The following REELD1 variants were observed in gnomAD, a reference collection of about 807,000 sequenced individuals.
REELD1 encodes the protein reeler domain containing 1, also known as reelin domain-containing protein 1.
In REELD1, 12 loss-of-function variants were observed where a neutral mutation model predicts 6.3. The ratio of observed to expected loss-of-function variants is 1.89; its 90% confidence interval spans 1.21 to 3.07. The LOEUF (loss-of-function observed/expected upper bound fraction) is 3.07. REELD1 is among the 30% of genes most tolerant of loss of function. The probability of loss-of-function intolerance (pLI) is 0.00; values close to 1 mark genes in which losing one functional copy is unlikely to be tolerated. For synonymous variants in REELD1, 57 were observed against 33.6 expected (o/e 1.70, Z -2.42); for missense variants, 163 against 86.8 (o/e 1.88, Z -3.49).
In REELD1 at chr4:146,232,106, C is replaced by G. The variant is rs1167018972; in HGVS notation, c.*1593C>G. Reference sequence around the variant, plus strand: ...CATTAGTGGAGAGCTTTCATCTGGCCACATCACATCAGAGCCAGATGCACC... The same window carrying G: ...CATTAGTGGAGAGCTTTCATCTGGCGACATCACATCAGAGCCAGATGCACC... On this transcript the variant is annotated 3_prime_UTR_variant, in exon 8 of 8. Coordinates refer to ENST00000623665, the MANE Select transcript of REELD1 (RefSeq NM_001354631.1). The G allele has an allele frequency of 6.6e-6, 1 of 152,174 alleles. No homozygotes were observed. The highest frequency in any genetic ancestry group is 1.5e-5 in the Non-Finnish European group (1 of 68,038). The allele number at this position is 152,174 out of a possible 1,614,324, so 9.4% of individuals were successfully genotyped here. A position where few individuals can be genotyped will look rare whatever the true frequency, so the allele number is the denominator to read the frequency against.
rs1008678878 is a variant in REELD1 at position 146,231,576 on chromosome 4, T to C, written c.*1063T>C. Among the ~76,000 whole-genome samples, 6 of 152,196 alleles carry C rather than the reference T, an allele frequency of 3.9e-5. No homozygotes were observed. Among genetic ancestry groups the C allele is most frequent in the African/African-American group, 1.4e-4 (6 of 41,444 alleles). On this transcript the variant is annotated 3_prime_UTR_variant, in exon 8 of 8. Coordinates refer to ENST00000623665, the MANE Select transcript of REELD1 (RefSeq NM_001354631.1). The stretch of plus-strand genomic sequence containing the variant: ...GCTGCCTTTTCAGAGTGAAACCTAT[T>C]ATAGAGTCATCATTTTAATGCAGAA...
Position 146,226,351 on chromosome 4 carries a change from C to T in REELD1, c.595+1743C>T, listed in dbSNP as rs949129133. Among the ~76,000 whole-genome samples the T allele has an allele frequency of 6.6e-5, 10 of 152,144 alleles. No homozygotes were observed. In the South Asian group the frequency reaches 2.1e-3, roughly 32 times the overall value. ...AAATATCTCCTTTGTGAAACTTTTC[C>T]TTATACTTCTTGGTAGGCAAGTATC... On this transcript the variant is annotated intron_variant, in intron 5 of 7. Transcript: ENST00000623665.
chr4:146,219,583 A>T (rs1477180809), intron 3 of REELD1, among the ~76,000 whole-genome samples: 2 of 152,218 alleles, frequency 1.3e-5, no homozygotes, highest in Non-Finnish European at 2.9e-5. Context: ...TAAAGGTCTG[A>T]CCCTGATTTT....
At chr4:146,216,657 T>G (rs931869016) in intron 2 of REELD1, among the ~76,000 whole-genome samples, 1 of 152,214 alleles carries the variant, frequency 6.6e-6, no homozygotes, top group Non-Finnish European at 1.5e-5. Context: ...TTTGACTCAA[T>G]AATTAAAGCC....
chr4:146,222,450 C>A lies in REELD1; in HGVS notation c.302C>A (p.Pro101His). The A allele has an allele frequency of 2.5e-6, 1 of 398,618 alleles. No homozygotes were observed. Among genetic ancestry groups the A allele is most frequent in the Non-Finnish European group, 4.4e-6 (1 of 226,070 alleles). The allele number at this position is 398,618 out of a possible 1,614,324, so 24.7% of individuals were successfully genotyped here. The change falls in exon 4 of 8, where the codon CCT (proline) becomes CAT (histidine). Residue 101 changes from proline to histidine, a missense_variant. Transcript: ENST00000623665. ...HQIAGTFVLIPPHSKLMTCFQ... is the reference protein window; with the variant it reads ...HQIAGTFVLIHPHSKLMTCFQ... ...ATCGCTGGCACTTTCGTTCTCATTC[C>A]TCCTCATTCCAAACTGATGACTTGT...
rs1382991392 is a variant in REELD1 at position 146,229,131 on chromosome 4, G to T, written c.972+43G>T. On this transcript the variant is annotated intron_variant, in intron 7 of 7. Transcript: ENST00000623665. ...GAAGTGGGCTTGTGACTGGTATTTT[G>T]ATCCTAGAATGGTCAGTTTCAGGCT... 5.7e-6 allele frequency: 4 copies of T among 700,014 alleles called. No individual in the cohort carries two copies. The East Asian group carries it at 8.1e-5, about 14-fold the overall frequency. The allele number at this position is 700,014 out of a possible 1,614,324, so 43.4% of individuals were successfully genotyped here.
rs967074290 is a variant in REELD1 at position 146,231,197 on chromosome 4, A to G, written c.*684A>G. ...CATGCAACACAAGGCCGTAAACACC[A>G]GAGTGGGGTAAGAAAGCCTTTTCAT... On this transcript the variant is annotated 3_prime_UTR_variant, in exon 8 of 8. Transcript: ENST00000623665. 1.3e-5 allele frequency among the ~76,000 whole-genome samples: 2 copies of G among 152,234 alleles called. No individual in the cohort carries two copies. The highest frequency in any genetic ancestry group is 2.9e-5 in the Non-Finnish European group (2 of 68,042).
rs970512981 is a variant in REELD1, at chr4:146,226,993, G to A, written c.596-1217G>A. 2.7e-4 allele frequency among the ~76,000 whole-genome samples: 41 copies of A among 152,182 alleles called. 1 individual carries two copies. Among genetic ancestry groups the A allele is most frequent in the Non-Finnish European group, 8.8e-5 (6 of 68,030 alleles). On this transcript the variant is annotated intron_variant, in intron 5 of 7. Coordinates refer to ENST00000623665, the MANE Select transcript of REELD1 (RefSeq NM_001354631.1). The stretch of plus-strand genomic sequence containing the variant: ...TCCCCACGTTGGCCAGGCTGGTCTC[G>A]AACTCCTGACCTTAGGTGATCTACT...
intron 5 of REELD1, among the ~76,000 whole-genome samples, chr4:146,227,159 T>C (rs1731039479): frequency 6.6e-6 from 1 of 151,690 alleles, no homozygotes; most frequent in Non-Finnish European, 1.5e-5. Flanking sequence ...TATGTTTGCA[T>C]CTCCAACAAC....
intron 5 of REELD1, among the ~76,000 whole-genome samples, chr4:146,226,420 A>C (rs1195096988): frequency 6.6e-6 from 1 of 152,194 alleles, no homozygotes; most frequent in Non-Finnish European, 1.5e-5. Context: ...TAGACTGAAT[A>C]ATTTATAAAC....
At chr4:146,222,280 T>C in intron 3 of REELD1, 77 bp from the exon 4 acceptor site, 2 of 398,016 alleles carry the variant, frequency 5.0e-6, no homozygotes, top group Admixed American at 4.4e-5. Flanking sequence ...AGCTTTTAGT[T>C]TTGAAAAAAG....
Position 146,224,591 on chromosome 4 carries a change from T to C in REELD1, c.578T>C (p.Val193Ala). 1 of 702,218 alleles carries C rather than the reference T, an allele frequency of 1.4e-6. No homozygotes were observed. The highest frequency in any genetic ancestry group is 2.7e-5 in the East Asian group (1 of 37,290). 43.5% of individuals were successfully genotyped at this position (702,218 alleles called of 1,614,324 possible). ...MPNLHQRLGD[V>A]EGAAPAPRTP... The stretch of plus-strand genomic sequence containing the variant: ...AACCTTCACCAGAGGCTGGGCGATG[T>C]TGAAGGAGCTGCTCCAGGTACAGCT... The change falls in exon 5 of 8, where the codon GTT (valine) becomes GCT (alanine). Residue 193 changes from valine to alanine, a missense_variant. Transcript: ENST00000623665.
chr4:146,224,247 A>G (rs568733574), intron 4 of REELD1, among the ~76,000 whole-genome samples, 198 bp from the exon 5 acceptor site: 2 of 152,326 alleles, frequency 1.3e-5, no homozygotes, highest in East Asian at 1.9e-4. Context: ...ATTATTTGCA[A>G]CTATGGGGTT....
intron 4 of REELD1, 51 bp from the exon 5 acceptor site, chr4:146,224,394 A>G: frequency 3.8e-6 from 2 of 526,990 alleles, no homozygotes; most frequent in Non-Finnish European, 6.7e-6. Flanking sequence ...CTGAGTTATT[A>G]TTTAAAGGAA....
At position 146,215,733 on chromosome 4, in the gene REELD1, T is replaced by G. The variant is rs568416815; in HGVS notation, c.-12+535T>G. ...CTTCTAAAATGCCTGTGTGCAGGAC[T>G]ATAAAAAAAAAAACAGAACTTTTTT... On this transcript the variant is annotated intron_variant, in intron 2 of 7. Coordinates refer to ENST00000623665, the MANE Select transcript of REELD1 (RefSeq NM_001354631.1). Among the ~76,000 whole-genome samples, 388 of 132,404 alleles carry G rather than the reference T, an allele frequency of 2.9e-3. 3 individuals are homozygous for G. The highest frequency in any genetic ancestry group is 9.4e-3 in the African/African-American group (345 of 36,710). 86.9% of individuals were successfully genotyped at this position (132,404 alleles called of 152,430 possible).
rs1360469476 is a variant in REELD1, at chr4:146,222,372, G to T, written c.224G>T (p.Ser75Ile). Residue 75 changes from serine (S) to isoleucine (I), a missense_variant, in exon 4 of 8, where the codon AGT becomes ATT. Transcript: ENST00000623665. ...GDKIPVTVRSSRDFMGFLLQA... is the reference protein window; with the variant it reads ...GDKIPVTVRSIRDFMGFLLQA... ...TTTGTTGCAGTGACAGTGAGAAGCA[G>T]TCGTGATTTCATGGGATTTCTCCTT... 1.0e-5 allele frequency: 4 copies of T among 398,522 alleles called. No homozygotes were observed. Among genetic ancestry groups the T allele is most frequent in the African/African-American group, 8.2e-5 (4 of 48,632 alleles). 24.7% of individuals were successfully genotyped at this position (398,522 alleles called of 1,614,324 possible).
At chr4:146,218,188 C>T (rs1730858935) in intron 3 of REELD1, among the ~76,000 whole-genome samples, 1 of 152,228 alleles carries the variant, frequency 6.6e-6, no homozygotes, top group Non-Finnish European at 1.5e-5. Context: ...TGAAACACCT[C>T]TGAATCATCT....
chr4:146,228,179 C>A, intron 5 of REELD1, 31 bp from the exon 6 acceptor site: 2 of 687,372 alleles, frequency 2.9e-6, no homozygotes. Flanking sequence ...TGCTCTCACT[C>A]ACTCTGCGCT....
chr4:146,219,941 TG>T (rs1322215037), intron 3 of REELD1, among the ~76,000 whole-genome samples: 2 of 152,240 alleles, frequency 1.3e-5, no homozygotes, highest in South Asian at 2.1e-4. Flanking sequence ...TTTTTTTGTT[TG>T]TTTTTTTGTT....
Sources: gnomAD v4.1 joint callset for allele counts (sites outside exome capture counted in the v4.1 genomes callset) on GRCh38, gnomAD v4.1.1 for gene constraint, MANE v1.5 for transcripts, NCBI Gene and HGNC (gene_info 2026-07-23, HGNC 2026-07-21) for gene names.